The following FRMD6 variants were observed in gnomAD, a reference collection of about 807,000 sequenced individuals.
The protein encoded by FRMD6 is FERM domain-containing protein 6.
Under a neutral mutation model 73.2 loss-of-function variants are expected in FRMD6, and 37 were observed. The ratio of observed to expected loss-of-function variants is 0.51; its 90% CI spans 0.39 to 0.66. The LOEUF (loss-of-function observed/expected upper bound fraction) is 0.66. Among genes scored for constraint, FRMD6 ranks in the 30% least tolerant of loss-of-function variants. The pLI is 0.00. For missense variants in FRMD6, 714 were observed against 780.5 expected, an observed-to-expected ratio of 0.91 and a Z score of 1.02; for synonymous variants, 273 against 282.2, an observed-to-expected ratio of 0.97 and a Z score of 0.33.
chr14:51,623,365 G>A (rs1328893264), intron 2 of FRMD6, among the ~76,000 whole-genome samples: 2 of 152,144 alleles, frequency 1.3e-5, no homozygotes, highest in African/African-American at 2.4e-5. Context: ...AATCAAAGAA[G>A]TGGCCTTTAA....
At chr14:51,582,797 G>A (rs1374807096) in intron 2 of FRMD6, among the ~76,000 whole-genome samples, 1 of 152,142 alleles carries the variant, frequency 6.6e-6, no homozygotes, top group Non-Finnish European at 1.5e-5. Context: ...GAGCTTGGTT[G>A]CTTTATTGGA....
At chr14:51,584,260 C>T (rs1267419667) in intron 2 of FRMD6, 1 of 152,132 alleles carries the variant, frequency 6.6e-6, no homozygotes, top group Non-Finnish European at 1.5e-5. Context: ...GAAAGATTCT[C>T]CTGGCAGAGG....
chr14:51,525,039 A>AAGAG (rs760690162), intron 1 of FRMD6, among the ~76,000 whole-genome samples: 3 of 143,412 alleles, frequency 2.1e-5, no homozygotes, highest in Admixed American at 1.4e-4. Context: ...GATGGAGAGA[A>AAGAG]AGAGAGAGAG....
intron 1 of FRMD6, among the ~76,000 whole-genome samples, chr14:51,550,584 C>CCA (rs1480841503): frequency 6.0e-5 from 9 of 150,844 alleles, no homozygotes; most frequent in African/African-American, 2.0e-4. Context: ...GAGGAGACCC[C>CCA]CCCGCCATGC....
intron 2 of FRMD6, among the ~76,000 whole-genome samples, chr14:51,585,438 T>G (rs1022125847): frequency 2.0e-5 from 3 of 152,174 alleles, no homozygotes; most frequent in Admixed American, 1.3e-4. Context: ...ACAATTTAAC[T>G]GTTTACCCAA....
chr14:51,722,197 A>G lies in FRMD6; in HGVS notation c.1492+117A>G, dbSNP rs553039130. ...GGCCCTAGACCAGAGACTGGACTGC[A>G]CTAAGAGTCTCTTCAGGTCAGTGTT... On this transcript the variant is annotated intron_variant, in intron 12 of 13. Transcript: ENST00000344768. The G allele has an allele frequency of 6.8e-5, 68 of 995,730 alleles. No individual in the cohort carries two copies. The East Asian group carries it at 1.0e-3, about 15-fold the overall frequency. 61.7% of individuals were successfully genotyped at this position (995,730 alleles called of 1,614,324 possible).
intron 2 of FRMD6, among the ~76,000 whole-genome samples, chr14:51,633,283 T>G (rs1891407618): frequency 6.6e-6 from 1 of 152,008 alleles, no homozygotes; most frequent in Non-Finnish European, 1.5e-5. Flanking sequence ...CTCTTTTTTT[T>G]TTTTATTTTT....
chr14:51,683,316 C>T (rs768871578), intron 1 of FRMD6, among the ~76,000 whole-genome samples: 22 of 152,118 alleles, frequency 1.4e-4, no homozygotes, highest in Admixed American at 7.2e-4. Flanking sequence ...GTTGCTCAGG[C>T]TGGAGTGCTG....
intron 1 of FRMD6, among the ~76,000 whole-genome samples, chr14:51,666,336 T>A (rs542894036): frequency 6.6e-6 from 1 of 152,244 alleles, no homozygotes. Context: ...ATGACTAATA[T>A]TGTTTTAAAT....
At chr14:51,583,222 T>C (rs567316814) in intron 2 of FRMD6, among the ~76,000 whole-genome samples, 84 of 152,292 alleles carry the variant, frequency 5.5e-4, no homozygotes, top group African/African-American at 2.0e-3. Context: ...CATAATTCTC[T>C]TTATTTGCCG....
chr14:51,469,743 G>A, the FRMD6 span, among the ~76,000 whole-genome samples: 5 of 146,210 alleles, frequency 3.4e-5, no homozygotes, highest in South Asian at 2.1e-4. Context: ...TTTTTTTTCC[G>A]TGATGTCTTT....
chr14:51,426,523 A>G, the FRMD6 span, among the ~76,000 whole-genome samples: 1 of 152,210 alleles, frequency 6.6e-6, no homozygotes, highest in African/African-American at 2.4e-5. Flanking sequence ...ACTTCTCAAC[A>G]GAGAAGACTA....
chr14:51,451,352 A>G, the FRMD6 span, among the ~76,000 whole-genome samples: 17 of 152,316 alleles, frequency 1.1e-4, no homozygotes, highest in African/African-American at 4.1e-4. Flanking sequence ...TCCCAGCAGC[A>G]ATGACTGAAT....
At chr14:51,604,004 G>A (rs746364158) in intron 2 of FRMD6, among the ~76,000 whole-genome samples, 1 of 151,910 alleles carries the variant, frequency 6.6e-6, no homozygotes, top group East Asian at 1.9e-4. Flanking sequence ...AGGAAGGTGA[G>A]GGAGTGAGTA....
At chr14:51,700,339 A>C (rs1040571410) in intron 3 of FRMD6, among the ~76,000 whole-genome samples, 1 of 152,086 alleles carries the variant, frequency 6.6e-6, no homozygotes, top group Admixed American at 6.6e-5. Context: ...TCACGTGTTT[A>C]GATCACTTTA....
chr14:51,554,979 C>A (rs1038179857), intron 1 of FRMD6, among the ~76,000 whole-genome samples: 1 of 152,320 alleles, frequency 6.6e-6, no homozygotes, highest in Non-Finnish European at 1.5e-5. Context: ...TTCTGTAAAT[C>A]TAAACTGTTC....
chr14:51,457,397 A>C, the FRMD6 span, among the ~76,000 whole-genome samples: 1 of 152,178 alleles, frequency 6.6e-6, no homozygotes, highest in Non-Finnish European at 1.5e-5. Context: ...CAATGACAGA[A>C]GGGTGGGTGC....
intron 1 of FRMD6, among the ~76,000 whole-genome samples, chr14:51,561,163 A>G (rs1190889963): frequency 6.6e-6 from 1 of 152,162 alleles, no homozygotes; most frequent in Non-Finnish European, 1.5e-5. Context: ...TTTCTGTAGG[A>G]GGCAGTTACA....
At position 51,698,139 on chromosome 14, in the gene FRMD6, C is replaced by T; in HGVS notation, c.100-3C>T. On this transcript the variant is annotated splice_region_variant and splice_polypyrimidine_tract_variant and intron_variant, in intron 2 of 13. Transcript: ENST00000344768. Reference sequence around the variant, plus strand: ...TTTTACGTCGTGCCTTTTTCCCCTACAGGTTAAGATTCTGTGTCACCAGTT... The same window carrying T: ...TTTTACGTCGTGCCTTTTTCCCCTATAGGTTAAGATTCTGTGTCACCAGTT... The T allele has an allele frequency of 1.9e-6, 3 of 1,608,394 alleles. No homozygotes were observed. Among genetic ancestry groups the T allele is most frequent in the Non-Finnish European group, 8.5e-7 (1 of 1,176,480 alleles).
Sources: gnomAD v4.1 joint callset for allele counts (sites outside exome capture counted in the v4.1 genomes callset) on GRCh38, gnomAD v4.1.1 for gene constraint, MANE v1.5 for transcripts, NCBI Gene and HGNC (gene_info 2026-07-23, HGNC 2026-07-21) for gene names.